CNTNAP2: variants seen among roughly 807,000 people sequenced by gnomAD.
CNTNAP2 encodes contactin-associated protein-like 2.
Under a neutral mutation model 155.2 loss-of-function variants are expected in CNTNAP2, and 98 were observed. The observed-to-expected ratio is 0.63, with a 90% CI of 0.54 to 0.75. The LOEUF is 0.75. CNTNAP2 is among the 30% of genes least tolerant of loss of function. The pLI is 0.00. For missense variants in CNTNAP2, 1,727 were observed against 1,688.1 expected (o/e 1.02, Z -0.40); for synonymous variants, 651 against 631.2 (o/e 1.03, Z -0.47).
intron 12 of CNTNAP2, among the ~76,000 whole-genome samples, chr7:147,618,335 G>T (rs1306400220): frequency 6.6e-6 from 1 of 152,048 alleles, no homozygotes. Context: ...AGTCTAGCAA[G>T]ATTTATATAT....
intron 22 of CNTNAP2, chr7:148,389,624 G>A (rs905297754): frequency 6.6e-6 from 1 of 152,202 alleles, no homozygotes; most frequent in African/African-American, 2.4e-5. Context: ...CTCTCTTGGG[G>A]TTTGGATCAG....
At chr7:147,902,816 G>GTGTA (rs1554447686) in intron 13 of CNTNAP2, among the ~76,000 whole-genome samples, 1,334 of 108,802 alleles carry the variant, frequency 0.012, 4 homozygotes, top group Non-Finnish European at 0.015. Context: ...GTGTGTGTAT[G>GTGTA]TGTGTGTGTG....
chr7:148,360,755 A>C (rs902386497), intron 21 of CNTNAP2, among the ~76,000 whole-genome samples: 1 of 152,056 alleles, frequency 6.6e-6, no homozygotes, highest in Non-Finnish European at 1.5e-5. Context: ...TTATGGACTA[A>C]ATTCAGATGA....
At chr7:147,218,928 G>T (rs1230406184) in intron 8 of CNTNAP2, among the ~76,000 whole-genome samples, 1 of 152,110 alleles carries the variant, frequency 6.6e-6, no homozygotes, top group Non-Finnish European at 1.5e-5. Context: ...TACATGTTAA[G>T]AATTCTTATT....
intron 10 of CNTNAP2, among the ~76,000 whole-genome samples, chr7:147,455,417 A>G (rs959077421): frequency 6.6e-6 from 1 of 152,160 alleles, no homozygotes; most frequent in African/African-American, 2.4e-5. Flanking sequence ...AACATAGGTA[A>G]TAAATAACAA....
intron 1 of CNTNAP2, among the ~76,000 whole-genome samples, chr7:146,434,655 G>A (rs1796216740): frequency 6.6e-6 from 1 of 152,114 alleles, no homozygotes; most frequent in Non-Finnish European, 1.5e-5. Flanking sequence ...AAAAATAGAA[G>A]ATGATATTGT....
chr7:146,287,133 CT>C (rs1478501294), intron 1 of CNTNAP2, among the ~76,000 whole-genome samples: 1 of 152,086 alleles, frequency 6.6e-6, no homozygotes, highest in Non-Finnish European at 1.5e-5. Context: ...TTGTTACCAC[CT>C]TTTTCTAAAG....
intron 8 of CNTNAP2, among the ~76,000 whole-genome samples, chr7:147,221,254 A>G (rs147916990): frequency 1.3e-5 from 2 of 152,200 alleles, no homozygotes; most frequent in Non-Finnish European, 1.5e-5. Flanking sequence ...ACATAATTAA[A>G]TACATTTTTC....
intron 1 of CNTNAP2, among the ~76,000 whole-genome samples, chr7:146,618,583 C>T (rs1369143551): frequency 1.3e-5 from 2 of 151,990 alleles, no homozygotes; most frequent in Admixed American, 6.6e-5. Context: ...AAATTCAATC[C>T]TAGGGTAACA....
intron 13 of CNTNAP2, among the ~76,000 whole-genome samples, chr7:147,746,674 GGACCAATT>G (rs1797047846): frequency 6.6e-6 from 1 of 151,958 alleles, no homozygotes; most frequent in African/African-American, 2.4e-5. Flanking sequence ...GACACCAATG[GGACCAATT>G]GTTTTCTCCC....
intron 15 of CNTNAP2, among the ~76,000 whole-genome samples, chr7:148,105,627 G>A (rs1008734338): frequency 1.3e-5 from 2 of 149,796 alleles, no homozygotes; most frequent in South Asian, 4.2e-4. Flanking sequence ...TTGCTCTGTT[G>A]CCCAGGCTGG....
At chr7:147,035,902 C>T (rs1799144678) in intron 3 of CNTNAP2, among the ~76,000 whole-genome samples, 1 of 152,108 alleles carries the variant, frequency 6.6e-6, no homozygotes, top group African/African-American at 2.4e-5. Context: ...TCATACATAG[C>T]ATACTTCTAG....
chr7:146,588,814 A>G (rs989025409), intron 1 of CNTNAP2, among the ~76,000 whole-genome samples: 11 of 152,136 alleles, frequency 7.2e-5, no homozygotes, highest in Non-Finnish European at 1.2e-4. Flanking sequence ...TGGCCCACAT[A>G]TGAAATTTTG....
chr7:148,243,577 C>T (rs752132480), intron 20 of CNTNAP2, among the ~76,000 whole-genome samples: 1 of 151,980 alleles, frequency 6.6e-6, no homozygotes, highest in East Asian at 1.9e-4. Flanking sequence ...AGAGAGAGAG[C>T]GCTTGTGGAG....
At chr7:146,618,700 A>C (rs1017745675) in intron 1 of CNTNAP2, among the ~76,000 whole-genome samples, 2 of 152,228 alleles carry the variant, frequency 1.3e-5, no homozygotes, top group African/African-American at 4.8e-5. Flanking sequence ...TGTTTTGTTG[A>C]AAATAATGCA....
chr7:146,603,702 A>C, intron 1 of CNTNAP2, among the ~76,000 whole-genome samples: 1 of 151,216 alleles, frequency 6.6e-6, no homozygotes. Flanking sequence ...CCAAAACAGC[A>C]TGGTACTGGT....
intron 1 of CNTNAP2, among the ~76,000 whole-genome samples, chr7:146,639,443 C>T (rs911193604): frequency 1.4e-5 from 2 of 141,730 alleles, no homozygotes; most frequent in African/African-American, 5.6e-5. Context: ...CCACAAGTAT[C>T]ATGTAAGATA....
chr7:148,195,498 T>C (rs1355879501), intron 18 of CNTNAP2, among the ~76,000 whole-genome samples: 3 of 152,212 alleles, frequency 2.0e-5, no homozygotes, highest in Non-Finnish European at 4.4e-5. Context: ...CCCTGTAGTA[T>C]TAAATTCACA....
intron 13 of CNTNAP2, among the ~76,000 whole-genome samples, chr7:147,877,756 A>G (rs538953675): frequency 6.6e-6 from 1 of 151,476 alleles, no homozygotes; most frequent in African/African-American, 2.4e-5. Flanking sequence ...TTGTTTGTTT[A>G]TCTTTGTTGT....
Sources: allele counts gnomAD v4.1 joint callset (sites outside exome capture counted in the v4.1 genomes callset), GRCh38; gene constraint gnomAD v4.1.1; transcripts MANE v1.5; gene names NCBI Gene and HGNC (gene_info 2026-07-23, HGNC 2026-07-21).